FNDC3A: variants seen among roughly 807,000 people sequenced by gnomAD.
FNDC3A encodes fibronectin type III domain containing 3A.
In FNDC3A, 32 loss-of-function variants were observed where a neutral mutation model predicts 148.9. The ratio of observed to expected loss-of-function variants is 0.21; its 90% CI spans 0.16 to 0.29. FNDC3A has a LOEUF of 0.29. Among genes scored for constraint, FNDC3A ranks in the 10% least tolerant of loss-of-function variants. The pLI, the probability that FNDC3A is intolerant of heterozygous loss-of-function variation, is 1.00. For synonymous variants in FNDC3A, 472 were observed against 473.6 expected (o/e 1.00, Z 0.04); for missense variants, 1,191 against 1,452.8 (o/e 0.82, Z 2.93).
chr13:49,015,408 G>A (rs1369364088), intron 2 of FNDC3A, among the ~76,000 whole-genome samples: 1 of 152,094 alleles, frequency 6.6e-6, no homozygotes, highest in African/African-American at 2.4e-5. Context: ...TTTGTCTGTT[G>A]TTGGTGTATA....
intron 3 of FNDC3A, among the ~76,000 whole-genome samples, chr13:49,108,071 C>T (rs1880314076): frequency 6.6e-6 from 1 of 152,008 alleles, no homozygotes; most frequent in Admixed American, 6.5e-5. Context: ...GATATGATGG[C>T]CACATGAAAG....
intron 8 of FNDC3A, among the ~76,000 whole-genome samples, chr13:49,153,539 T>G (rs1405532760): frequency 6.6e-6 from 1 of 152,208 alleles, no homozygotes; most frequent in East Asian, 1.9e-4. Context: ...CCCATTTGTC[T>G]ATTTTGTCTT....
At chr13:49,093,115 G>A (rs1163898907) in intron 3 of FNDC3A, among the ~76,000 whole-genome samples, 2 of 152,120 alleles carry the variant, frequency 1.3e-5, no homozygotes, top group Admixed American at 6.5e-5. Flanking sequence ...ACATACAGTT[G>A]TGTAGGCCCA....
chr13:49,178,632 G>T lies in FNDC3A; in HGVS notation c.1595G>T (p.Arg532Leu). ...DLAYTVKNLR[R>L]STKYKFKVIA... Reference sequence around the variant, plus strand: ...GCTTACACAGTGAAAAATCTCAGACGTAGTACTAAGTATAAATTTAAGGTA... The same window carrying T: ...GCTTACACAGTGAAAAATCTCAGACTTAGTACTAAGTATAAATTTAAGGTA... Residue 532 changes from arginine (R) to leucine (L), a missense_variant, in exon 14 of 26, where the codon CGT (arginine) becomes CTT (leucine). By Grantham distance (102) the Arg-to-Leu change is moderately radical. This residue lies in a region of FNDC3A where 751 missense variants were observed against 944.0 expected (regional missense o/e 0.80). Coordinates refer to ENST00000492622, the MANE Select transcript of FNDC3A (RefSeq NM_001079673.2). 1 of 1,561,768 alleles carries T rather than the reference G, an allele frequency of 6.4e-7. No individual in the cohort carries two copies. The highest frequency in any genetic ancestry group is 8.7e-7 in the Non-Finnish European group (1 of 1,151,346).
chr13:49,084,719 G>A (rs768956819), intron 3 of FNDC3A, among the ~76,000 whole-genome samples: 4 of 152,000 alleles, frequency 2.6e-5, no homozygotes, highest in Admixed American at 1.3e-4. Flanking sequence ...TGTGAACCTC[G>A]TCACCTACTA....
chr13:49,118,226 A>G (rs1169306392), intron 4 of FNDC3A, among the ~76,000 whole-genome samples: 2 of 152,188 alleles, frequency 1.3e-5, no homozygotes, highest in African/African-American at 4.8e-5. Context: ...AGGGTGGGGC[A>G]TCGCCTCACC....
intron 7 of FNDC3A, among the ~76,000 whole-genome samples, chr13:49,139,195 A>G (rs1473857336): frequency 1.3e-5 from 2 of 152,174 alleles, no homozygotes; most frequent in African/African-American, 2.4e-5. Flanking sequence ...CTGACAAGTG[A>G]GAAAAAGTGC....
At chr13:49,158,087 A>T (rs1883828302) in intron 8 of FNDC3A, among the ~76,000 whole-genome samples, 1 of 152,214 alleles carries the variant, frequency 6.6e-6, no homozygotes, top group Admixed American at 6.5e-5. Context: ...TACCTAAGCA[A>T]GCCAGGGCAA....
chr13:49,037,813 T>C (rs1874612896), intron 2 of FNDC3A, among the ~76,000 whole-genome samples: 1 of 152,208 alleles, frequency 6.6e-6, no homozygotes, highest in Non-Finnish European at 1.5e-5. Flanking sequence ...CTTTGTGCTC[T>C]GGCCCCATGA....
chr13:49,186,488 T>C (rs1310336613), intron 15 of FNDC3A, among the ~76,000 whole-genome samples: 1 of 152,230 alleles, frequency 6.6e-6, no homozygotes, highest in Non-Finnish European at 1.5e-5. Flanking sequence ...TCCCATAAAC[T>C]TGACCCTTGC....
At chr13:48,992,180 T>G (rs1593445437) in intron 1 of FNDC3A, among the ~76,000 whole-genome samples, 1 of 152,204 alleles carries the variant, frequency 6.6e-6, no homozygotes. Flanking sequence ...GTAGAAAGAA[T>G]GTAAAGCCTA....
chr13:49,200,595 G>A (rs1593748694), intron 23 of FNDC3A, among the ~76,000 whole-genome samples: 1 of 151,934 alleles, frequency 6.6e-6, no homozygotes. Context: ...GGTCTAATTA[G>A]TGTTTGGTTG....
chr13:49,013,233 T>C (rs1342202768), intron 2 of FNDC3A, among the ~76,000 whole-genome samples: 1 of 152,120 alleles, frequency 6.6e-6, no homozygotes, highest in Non-Finnish European at 1.5e-5. Context: ...GAGGATCACT[T>C]GAGCCTGGGG....
chr13:49,186,385 T>A (rs1885572291), intron 15 of FNDC3A, among the ~76,000 whole-genome samples: 1 of 152,238 alleles, frequency 6.6e-6, no homozygotes, highest in African/African-American at 2.4e-5. Context: ...TAAAGTCACC[T>A]GGGTCATCTG....
chr13:49,006,846 G>A (rs1018251856), intron 2 of FNDC3A, among the ~76,000 whole-genome samples: 15 of 151,996 alleles, frequency 9.9e-5, no homozygotes, highest in African/African-American at 3.6e-4. Flanking sequence ...TATGGGCCAG[G>A]CAATGTGCTT....
chr13:49,035,020 A>G (rs959087729), intron 2 of FNDC3A, among the ~76,000 whole-genome samples: 3 of 152,100 alleles, frequency 2.0e-5, no homozygotes, highest in Admixed American at 6.5e-5. Context: ...GCAAACCCAA[A>G]TGACATCTGG....
intron 3 of FNDC3A, among the ~76,000 whole-genome samples, chr13:49,100,064 G>T (rs1273648971): frequency 1.3e-5 from 2 of 152,016 alleles, no homozygotes; most frequent in Non-Finnish European, 2.9e-5. Flanking sequence ...TTAAAGACAG[G>T]TATAGCTAAG....
chr13:49,105,355 A>G (rs542291444), intron 3 of FNDC3A, among the ~76,000 whole-genome samples: 1 of 152,342 alleles, frequency 6.6e-6, no homozygotes, highest in Admixed American at 6.5e-5. Context: ...TACCTTAAAG[A>G]AACATTTGCA....
chr13:49,118,285 C>T (rs974978196), intron 4 of FNDC3A, among the ~76,000 whole-genome samples: 1 of 152,176 alleles, frequency 6.6e-6, no homozygotes, highest in African/African-American at 2.4e-5. Context: ...CAAGGGAAGC[C>T]ATGAGGGACT....
Sources: gnomAD v4.1 joint callset for allele counts (sites outside exome capture counted in the v4.1 genomes callset) on GRCh38, gnomAD v4.1.1 for gene constraint, gnomAD v4.1.1 regional missense constraint, MANE v1.5 for transcripts, NCBI Gene and HGNC (gene_info 2026-07-23, HGNC 2026-07-21) for gene names.